Variants in MPDZ observed in about 807,000 individuals in gnomAD.
The protein encoded by MPDZ is multiple PDZ domain crumbs cell polarity complex component, also known as multiple PDZ domain protein.
Under a neutral mutation model 239.1 loss-of-function variants are expected in MPDZ, and 234 were observed. The ratio of observed to expected loss-of-function variants is 0.98; its 90% CI spans 0.88 to 1.09. The LOEUF is 1.09. MPDZ is among the 50% of genes least tolerant of loss of function. The pLI, the probability that MPDZ is intolerant of heterozygous loss-of-function variation, is 0.00. For synonymous variants in MPDZ, 1,048 were observed against 881.3 expected (o/e 1.19, Z -3.35); for missense variants, 3,175 against 2,510.0 (o/e 1.26, Z -5.66).
At chr9:13,174,615 A>C (rs1048065701) in intron 21 of MPDZ, among the ~76,000 whole-genome samples, 4 of 152,206 alleles carry the variant, frequency 2.6e-5, no homozygotes, top group Non-Finnish European at 5.9e-5. Flanking sequence ...AACTCCTATT[A>C]ACATCCTACA....
At chr9:13,204,841 T>G (rs988057316) in intron 12 of MPDZ, among the ~76,000 whole-genome samples, 195 bp downstream of exon 12, 13 of 152,152 alleles carry the variant, frequency 8.5e-5, no homozygotes, top group African/African-American at 3.1e-4. Context: ...AAAAGTATAA[T>G]TTAGCTATAA....
chr9:13,214,183 T>C (rs1484527380), intron 10 of MPDZ, among the ~76,000 whole-genome samples: 1 of 152,028 alleles, frequency 6.6e-6, no homozygotes, highest in Non-Finnish European at 1.5e-5. Context: ...TGTCCATCAA[T>C]TGATGAATGG....
At chr9:13,210,085 A>AC (rs1345551485) in intron 10 of MPDZ, among the ~76,000 whole-genome samples, 1 of 151,678 alleles carries the variant, frequency 6.6e-6, no homozygotes, top group African/African-American at 2.4e-5. Context: ...AAAAAAAAAA[A>AC]ACCTCACACC....
chr9:13,205,285 C>T (rs962654180), intron 11 of MPDZ, among the ~76,000 whole-genome samples, 178 bp from the exon 12 acceptor site: 3 of 152,096 alleles, frequency 2.0e-5, no homozygotes, highest in African/African-American at 7.2e-5. Flanking sequence ...ATACATTTCT[C>T]CTGTGATTTG....
At chr9:13,274,677 T>G (rs993399620) in intron 1 of MPDZ, 2 of 152,068 alleles carry the variant, frequency 1.3e-5, no homozygotes, top group African/African-American at 4.8e-5. Flanking sequence ...TTAATCATAT[T>G]TTCCCAAAAG....
intron 21 of MPDZ, among the ~76,000 whole-genome samples, chr9:13,174,846 C>T (rs1952248143): frequency 6.6e-6 from 1 of 152,142 alleles, no homozygotes; most frequent in Admixed American, 6.6e-5. Flanking sequence ...GGTAGTACCC[C>T]GCCACCATCA....
intron 32 of MPDZ, among the ~76,000 whole-genome samples, chr9:13,128,084 T>C (rs1411727658): frequency 1.3e-5 from 2 of 152,100 alleles, no homozygotes; most frequent in Admixed American, 6.5e-5. Context: ...CTCCTCTCTC[T>C]CCTCCACCTC....
chr9:13,175,904 C>A, intron 20 of MPDZ, 29 bp from the exon 21 acceptor site: 1 of 1,569,880 alleles, frequency 6.4e-7, no homozygotes, highest in South Asian at 1.2e-5. Flanking sequence ...AGTCACAAGT[C>A]ACATGGAAAG....
intron 28 of MPDZ, among the ~76,000 whole-genome samples, chr9:13,138,498 T>A (rs966343906): frequency 3.9e-5 from 6 of 152,306 alleles, no homozygotes; most frequent in African/African-American, 1.4e-4. Context: ...AGAACAGAAC[T>A]AAGGCATCCA....
chr9:13,260,689 A>T (rs1970488832), intron 1 of MPDZ, among the ~76,000 whole-genome samples: 1 of 152,126 alleles, frequency 6.6e-6, no homozygotes, highest in Non-Finnish European at 1.5e-5. Flanking sequence ...AAGAGAGGAA[A>T]ATCTGTCTCA....
rs769583265 is a variant in MPDZ at position 13,219,676 on chromosome 9, C to T, written c.969G>A (p.Arg323=). 4.3e-6 allele frequency: 7 copies of T among 1,612,634 alleles called. No individual in the cohort carries two copies. The East Asian group carries it at 1.6e-4, about 36-fold the overall frequency. ...TCAACTTAACTCTATTTCCACATTG[C>T]CTAAGGACTTGTGCTACTTGCTCAC... The part of the protein sequence containing the change: ...MSSEQVAQVL[R]QCGNRVKLMI... Residue 323 remains arginine (R), a synonymous_variant, in exon 8 of 47, where the codon AGG becomes AGA. Transcript: ENST00000319217.
At chr9:13,263,861 T>C (rs1182731969) in intron 1 of MPDZ, among the ~76,000 whole-genome samples, 1 of 152,220 alleles carries the variant, frequency 6.6e-6, no homozygotes. Flanking sequence ...ATATCTTCTA[T>C]GAATATTCAA....
At chr9:13,110,089 G>GA (rs758425087) in intron 44 of MPDZ, 25 bp from the exon 45 acceptor site, 80 of 1,550,376 alleles carry the variant, frequency 5.2e-5, no homozygotes, top group Admixed American at 1.3e-4. Flanking sequence ...AGGATAAACA[G>GA]AAAAAACACA....
chr9:13,258,323 C>T (rs1410540699), intron 1 of MPDZ, among the ~76,000 whole-genome samples: 2 of 152,102 alleles, frequency 1.3e-5, no homozygotes, highest in African/African-American at 2.4e-5. Context: ...AGAGAAACTG[C>T]CCAAATGCAT....
Position 13,222,427 on chromosome 9 carries a change from T to C in MPDZ, c.553A>G (p.Thr185Ala), listed in dbSNP as rs746351576. 9.9e-6 allele frequency: 16 copies of C among 1,611,978 alleles called. No homozygotes were observed. Among genetic ancestry groups the C allele is most frequent in the Non-Finnish European group, 1.4e-5 (16 of 1,179,006 alleles). The stretch of plus-strand genomic sequence containing the variant: ...CCATTGATAGCAAGAATTTGATCAG[T>C]TTCTTTCAATCTTCCATCTCTATCA... ...VAHRDGRLKE[T>A]DQILAINGQA... Residue 185 changes from threonine to alanine, a missense_variant, in exon 6 of 47, where the codon ACT becomes GCT. Thr to Ala is a moderately conservative substitution (Grantham distance 58). Coordinates refer to ENST00000319217, the MANE Select transcript of MPDZ (RefSeq NM_001378778.1).
At chr9:13,250,242 A>T in intron 2 of MPDZ, 58 bp downstream of exon 2, 2 of 1,520,554 alleles carry the variant, frequency 1.3e-6, no homozygotes. Context: ...TATGTCAAAA[A>T]TCCCAATGGG....
At chr9:13,131,759 G>A (rs549305500) in intron 32 of MPDZ, among the ~76,000 whole-genome samples, 3 of 152,238 alleles carry the variant, frequency 2.0e-5, no homozygotes, top group East Asian at 1.9e-4. Flanking sequence ...GCTTCTGTAC[G>A]TTAAGTCCCT....
rs1157530514 is a variant in MPDZ at position 13,106,794 on chromosome 9, T to G, written c.*171A>C. 1.6e-6 allele frequency: 1 copy of G among 635,926 alleles called. No homozygotes were observed. The highest frequency in any genetic ancestry group is 2.7e-5 in the East Asian group (1 of 37,128). 39.4% of individuals were successfully genotyped at this position (635,926 alleles called of 1,614,324 possible). A position where few individuals can be genotyped will look rare whatever the true frequency, so the allele number is the denominator to read the frequency against. On this transcript the variant is annotated 3_prime_UTR_variant, in exon 47 of 47. Transcript: ENST00000319217. Reference sequence around the variant, plus strand: ...AGAAGAAAAGAAAAATGATGTTAGGTTGTCAGTAAGGAAAGCATTTCTAGA... The same window carrying G: ...AGAAGAAAAGAAAAATGATGTTAGGGTGTCAGTAAGGAAAGCATTTCTAGA...
At chr9:13,244,287 G>A (rs1010385581) in intron 3 of MPDZ, among the ~76,000 whole-genome samples, 6 of 152,142 alleles carry the variant, frequency 3.9e-5, no homozygotes, top group Non-Finnish European at 7.4e-5. Flanking sequence ...AACTGCTAAC[G>A]TGTTTATTTC....
Sources: gnomAD v4.1 joint callset for allele counts (sites outside exome capture counted in the v4.1 genomes callset) on GRCh38, gnomAD v4.1.1 for gene constraint, MANE v1.5 for transcripts, NCBI Gene and HGNC (gene_info 2026-07-23, HGNC 2026-07-21) for gene names.